Variants in NIPAL2 observed in about 807,000 individuals in gnomAD.
The protein encoded by NIPAL2 is NIPA like domain containing 2, also known as NIPA-like protein 2.
A neutral mutation model predicts 48.9 loss-of-function variants in NIPAL2; 43 were observed. That is an observed-to-expected ratio of 0.88 (90% CI 0.69 to 1.13). The LOEUF is 1.13. NIPAL2 is among the 50% of genes most tolerant of loss of function. The probability of loss-of-function intolerance (pLI) is 0.00; values close to 1 mark genes in which losing one functional copy is unlikely to be tolerated. For synonymous variants in NIPAL2, 167 were observed against 174.6 expected, an observed-to-expected ratio of 0.96 and a Z score of 0.34; for missense variants, 446 against 461.4, an observed-to-expected ratio of 0.97 and a Z score of 0.31.
chr8:98,195,965 G>A lies in NIPAL2; in HGVS notation c.921C>T (p.Leu307=), dbSNP rs1303593930. ...FYQEFLGAPF[L]TVFIYLFGCF... ...ACCCAAAAAGATATATAAATACAGT[G>A]AGAAAAGGAGCACCAAGGAATTCCT... The change falls in exon 9 of 11, where the codon CTC becomes CTT. Residue 307 remains leucine (L), a synonymous_variant. Transcript: ENST00000430223. 1 of 1,584,420 alleles carries A rather than the reference G, an allele frequency of 6.3e-7. No individual in the cohort carries two copies. The highest frequency in any genetic ancestry group is 1.1e-5 in the South Asian group (1 of 88,440).
chr8:98,288,244 T>C (rs1242203588), intron 1 of NIPAL2, among the ~76,000 whole-genome samples: 1 of 139,562 alleles, frequency 7.2e-6, no homozygotes, highest in Non-Finnish European at 1.5e-5. Context: ...CCTGTGTCCA[T>C]GTGATCTCAT....
At chr8:98,285,460 T>G (rs932573142) in intron 1 of NIPAL2, among the ~76,000 whole-genome samples, 1 of 152,086 alleles carries the variant, frequency 6.6e-6, no homozygotes, top group African/African-American at 2.4e-5. Flanking sequence ...AAAGCCCATG[T>G]TTTTTCACTA....
Position 98,232,717 on chromosome 8 carries a change from T to C in NIPAL2, c.436+3438A>G, listed in dbSNP as rs546206011. 2.0e-5 allele frequency among the ~76,000 whole-genome samples: 3 copies of C among 151,074 alleles called. No homozygotes were observed. The East Asian group carries it at 5.8e-4, about 29-fold the overall frequency. On this transcript the variant is annotated intron_variant, in intron 4 of 10. Transcript: ENST00000430223. ...AAGAGAAAGGTTATATAAGGTTACA[T>C]AATAGCTTTCTGATACTAAAGACTC...
intron 1 of NIPAL2, among the ~76,000 whole-genome samples, chr8:98,266,946 A>G (rs1814800305): frequency 6.6e-6 from 1 of 152,032 alleles, no homozygotes; most frequent in South Asian, 2.1e-4. Context: ...ATCTAAAATG[A>G]CAAAGCAATC....
intron 1 of NIPAL2, among the ~76,000 whole-genome samples, chr8:98,275,814 G>C (rs183623495): frequency 2.0e-5 from 3 of 152,166 alleles, no homozygotes; most frequent in Non-Finnish European, 4.4e-5. Context: ...CATTATAAAA[G>C]CTTCCATTTG....
At chr8:98,198,124 A>C (rs941986174) in intron 8 of NIPAL2, among the ~76,000 whole-genome samples, 1 of 152,116 alleles carries the variant, frequency 6.6e-6, no homozygotes. Context: ...CTGCAGAATG[A>C]ATGTTGTGTT....
chr8:98,203,770 C>A (rs1043647631), intron 7 of NIPAL2, among the ~76,000 whole-genome samples: 3 of 151,906 alleles, frequency 2.0e-5, no homozygotes, highest in African/African-American at 7.3e-5. Flanking sequence ...TGCACTATCA[C>A]CAGGGTGCTT....
chr8:98,196,290 G>T (rs1810544347), intron 8 of NIPAL2, among the ~76,000 whole-genome samples: 1 of 152,150 alleles, frequency 6.6e-6, no homozygotes, highest in South Asian at 2.1e-4. Flanking sequence ...GCCCAGGATT[G>T]CCCAACTGGA....
At chr8:98,199,406 C>T (rs1357620856) in intron 8 of NIPAL2, among the ~76,000 whole-genome samples, 1 of 152,064 alleles carries the variant, frequency 6.6e-6, no homozygotes, top group African/African-American at 2.4e-5. Flanking sequence ...GGGATGCTTC[C>T]TTTCATCTGA....
At chr8:98,202,193 C>G (rs1305208529) in intron 8 of NIPAL2, among the ~76,000 whole-genome samples, 4 of 152,182 alleles carry the variant, frequency 2.6e-5, no homozygotes, top group Non-Finnish European at 4.4e-5. Flanking sequence ...GCCAGAATAG[C>G]AAAGGCAGTA....
chr8:98,269,774 G>A (rs976921970), intron 1 of NIPAL2, among the ~76,000 whole-genome samples: 21 of 152,214 alleles, frequency 1.4e-4, no homozygotes, highest in African/African-American at 5.1e-4. Context: ...ATTTGGGCTC[G>A]TATTGATCCT....
intron 6 of NIPAL2, among the ~76,000 whole-genome samples, chr8:98,210,206 A>G (rs2130720240): frequency 6.6e-6 from 1 of 151,988 alleles, no homozygotes; most frequent in Non-Finnish European, 1.5e-5. Context: ...TATTTTTTCT[A>G]ATTTCTTGAG....
intron 6 of NIPAL2, among the ~76,000 whole-genome samples, chr8:98,211,706 A>ATGAG (rs1234639228): frequency 3.0e-5 from 4 of 133,850 alleles, no homozygotes; most frequent in African/African-American, 1.2e-4. Context: ...GTTGGTATAT[A>ATGAG]TGAGTGAGAG....
chr8:98,257,952 G>C (rs925190429), intron 1 of NIPAL2, among the ~76,000 whole-genome samples: 1 of 152,120 alleles, frequency 6.6e-6, no homozygotes, highest in East Asian at 1.9e-4. Context: ...TCCCTAAAAT[G>C]TATAAAACCA....
intron 1 of NIPAL2, among the ~76,000 whole-genome samples, chr8:98,282,827 A>G (rs1373507302): frequency 6.6e-6 from 1 of 152,242 alleles, no homozygotes; most frequent in African/African-American, 2.4e-5. Context: ...GTTGTCTGCA[A>G]TACTAACACA....
rs186681574 is a variant in NIPAL2 at position 98,267,065 on chromosome 8, G to A, written c.136-12978C>T. Among the ~76,000 whole-genome samples the A allele has an allele frequency of 2.6e-4, 40 of 151,678 alleles. 1 individual carries two copies. Among genetic ancestry groups the A allele is most frequent in the Non-Finnish European group, 2.5e-4 (17 of 67,910 alleles). ...TTCCCCATTTTTTTTGCCTCAGGGT[G>A]TATGCACCAACTTTATGATATGTTA... On this transcript the variant is annotated intron_variant, in intron 1 of 10. Transcript: ENST00000430223.
chr8:98,266,376 C>T (rs1344200990), intron 1 of NIPAL2, among the ~76,000 whole-genome samples: 6 of 151,576 alleles, frequency 4.0e-5, no homozygotes, highest in Admixed American at 2.0e-4. Flanking sequence ...CTGAGATGGG[C>T]GGATTGCCTG....
intron 1 of NIPAL2, among the ~76,000 whole-genome samples, chr8:98,269,526 G>C (rs1814998107): frequency 6.6e-6 from 1 of 152,102 alleles, no homozygotes; most frequent in Non-Finnish European, 1.5e-5. Context: ...CTGAGCAGTA[G>C]GTCTCAATGG....
Position 98,194,727 on chromosome 8 carries a change from C to T in NIPAL2, c.1039+1G>A, listed in dbSNP as rs1298347826. The T allele has an allele frequency of 2.6e-6, 4 of 1,517,426 alleles. No homozygotes were observed. The highest frequency in any genetic ancestry group is 1.4e-5 in the African/African-American group (1 of 71,148). The allele number at this position is 1,517,426 out of a possible 1,614,324, so 94.0% of individuals were successfully genotyped here. Reference sequence around the variant, plus strand: ...CCACTATAAAGAATATATGATTTTACCAGGAATATTTCCAAAATCAATATA... The same window carrying T: ...CCACTATAAAGAATATATGATTTTATCAGGAATATTTCCAAAATCAATATA... On this transcript the variant is annotated splice_donor_variant, in intron 10 of 10. Coordinates refer to ENST00000430223, the MANE Select transcript of NIPAL2 (RefSeq NM_001321635.2). LOFTEE classifies it high-confidence loss of function.
Sources: gnomAD v4.1 joint callset for allele counts (sites outside exome capture counted in the v4.1 genomes callset) on GRCh38, gnomAD v4.1.1 for gene constraint, MANE v1.5 for transcripts, NCBI Gene and HGNC (gene_info 2026-07-23, HGNC 2026-07-21) for gene names.